ITGAM: variants seen among roughly 807,000 people sequenced by gnomAD.
ITGAM encodes the protein integrin subunit alpha M.
In ITGAM, 79 loss-of-function variants were observed where a neutral mutation model predicts 137.5. That is an observed-to-expected ratio of 0.57 (90% CI 0.48 to 0.69). ITGAM has a LOEUF of 0.69. Among genes scored for constraint, ITGAM ranks in the 30% least tolerant of loss-of-function variants. The pLI is 0.00. For missense variants in ITGAM, 1,343 were observed against 1,483.5 expected (o/e 0.91, Z 1.56); for synonymous variants, 583 against 592.3 (o/e 0.98, Z 0.23).
At chr16:31,306,315 A>T (rs2080264210) in intron 14 of ITGAM, among the ~76,000 whole-genome samples, 1 of 152,170 alleles carries the variant, frequency 6.6e-6, no homozygotes, top group African/African-American at 2.4e-5. Context: ...AATAACGATG[A>T]TAATTTAAAA....
chr16:31,328,564 C>G (rs1187468849), intron 23 of ITGAM, among the ~76,000 whole-genome samples: 1 of 119,330 alleles, frequency 8.4e-6, no homozygotes, highest in Middle Eastern at 9.1e-3. Context: ...TGTGAGGATC[C>G]TTGTGCATGG....
chr16:31,331,854 T>TGC lies in ITGAM; in HGVS notation c.*147_*148insGC. The TGC allele has an allele frequency of 1.6e-6, 1 of 619,010 alleles. No homozygotes were observed. The highest frequency in any genetic ancestry group is 2.1e-5 in the African/African-American group (1 of 48,726). 38.3% of individuals were successfully genotyped at this position (619,010 alleles called of 1,614,324 possible). ...TTCCATTTGTGTGTGTGCAAGTGTG[T>TGC]ATGTGCGTGTGTGCAAGTGTCTGTG... On this transcript the variant is annotated 3_prime_UTR_variant, in exon 30 of 30. Coordinates refer to ENST00000544665, the MANE Select transcript of ITGAM (RefSeq NM_000632.4).
Position 31,331,692 on chromosome 16 carries a change from G to A in ITGAM, c.3444G>A (p.Gly1148=). The part of the protein sequence containing the change: ...KDMMSEGGPP[G]AEPQ Reference sequence around the variant, plus strand: ...TGATGAGTGAAGGGGGTCCCCCGGGGGCCGAACCCCAGTAGCGGCTCCTTC... The same window carrying A: ...TGATGAGTGAAGGGGGTCCCCCGGGAGCCGAACCCCAGTAGCGGCTCCTTC... Residue 1148 remains glycine (G), a synonymous_variant, in exon 30 of 30, where the codon GGG becomes GGA. Transcript: ENST00000544665. 1 of 1,607,480 alleles carries A rather than the reference G, an allele frequency of 6.2e-7. No homozygotes were observed. Among genetic ancestry groups the A allele is most frequent in the Admixed American group, 1.7e-5 (1 of 59,140 alleles).
Position 31,331,585 on chromosome 16 carries a change from C to A in ITGAM, c.3388-51C>A, listed in dbSNP as rs1316493191. ...CGCCCCCTCCCCCTGGTCTGCGGAG[C>A]CGCACGCTCCCTGGCTGCTGTCGCT... On this transcript the variant is annotated intron_variant, in intron 29 of 29. Transcript: ENST00000544665. 6.8e-6 allele frequency: 9 copies of A among 1,317,824 alleles called. No individual in the cohort carries two copies. The East Asian group carries it at 2.0e-4, about 30-fold the overall frequency. 81.6% of individuals were successfully genotyped at this position (1,317,824 alleles called of 1,614,324 possible). A position where few individuals can be genotyped will look rare whatever the true frequency, so the allele number is the denominator to read the frequency against.
intron 14 of ITGAM, among the ~76,000 whole-genome samples, chr16:31,316,022 G>T (rs1414218103): frequency 2.4e-5 from 1 of 41,410 alleles, no homozygotes; most frequent in African/African-American, 1.2e-4. Flanking sequence ...GTGAAACCCC[G>T]TCTCTACTAA....
chr16:31,326,561 C>T (rs928216487), intron 21 of ITGAM, among the ~76,000 whole-genome samples: 6 of 152,044 alleles, frequency 3.9e-5, no homozygotes, highest in South Asian at 2.1e-4. Flanking sequence ...GGGTTACATG[C>T]GCCCGCCACC....
chr16:31,325,273 C>A lies in ITGAM; in HGVS notation c.2374C>A (p.Leu792Ile), dbSNP rs1158924109. ...TTCTTCTTCCCACAGCCTGGACTGC[C>A]TCGTGGTGGGTGGGCCCCGGGAGTT... ...ITFSFMSLDCLVVGGPREFNV... is the reference protein window; with the variant it reads ...ITFSFMSLDCIVVGGPREFNV... Residue 792 changes from leucine to isoleucine, a missense_variant, in exon 20 of 30, where the codon CTC (leucine) becomes ATC (isoleucine). Transcript: ENST00000544665. 3.7e-6 allele frequency: 6 copies of A among 1,612,002 alleles called. No homozygotes were observed. Among genetic ancestry groups the A allele is most frequent in the Non-Finnish European group, 5.1e-6 (6 of 1,178,856 alleles).
At chr16:31,261,654 C>G in intron 1 of ITGAM, 38 bp from the exon 2 acceptor site, 1 of 1,402,456 alleles carries the variant, frequency 7.1e-7, no homozygotes, top group Non-Finnish European at 1.0e-6. Context: ...TGGCATGCTA[C>G]TTTCCTCTGC....
intron 6 of ITGAM, 135 bp from the exon 7 acceptor site, chr16:31,271,712 G>T: frequency 9.6e-7 from 1 of 1,043,556 alleles, no homozygotes; most frequent in Non-Finnish European, 1.4e-6. Flanking sequence ...CCGTCCTGGT[G>T]AGGCAGGGGA....
At position 31,329,854 on chromosome 16, in the gene ITGAM, C is replaced by G; in HGVS notation, c.2925C>G (p.Val975=). The G allele has an allele frequency of 6.4e-7, 1 of 1,564,820 alleles. No homozygotes were observed. The highest frequency in any genetic ancestry group is 8.7e-7 in the Non-Finnish European group (1 of 1,154,634). The change falls in exon 25 of 30, where the codon GTC becomes GTG. Residue 975 remains valine (V), a synonymous_variant. Transcript: ENST00000544665. ...LPISLVFLVP[V]RLNQTVIWDR... ...TCAGCCTGGTGTTCTTGGTGCCCGT[C>G]CGGCTGAACCAGACTGTCATATGGG...
intron 24 of ITGAM, among the ~76,000 whole-genome samples, chr16:31,329,572 G>A (rs1272263225): frequency 1.3e-5 from 2 of 152,186 alleles, no homozygotes; most frequent in East Asian, 3.8e-4. Flanking sequence ...GGCTCAGAGA[G>A]GTTTACAGAA....
Position 31,325,367 on chromosome 16 carries a change from C to A in ITGAM, c.2468C>A (p.Pro823Gln). ...AGGACACAGGTCACCTTCTTCTTCC[C>A]GCTTGACCTGTCCTACCGGAAGGTG... is the stretch of plus-strand genomic sequence containing the variant. ...SYRTQVTFFF[P>Q]LDLSYRKVST... Residue 823 changes from proline (P) to glutamine (Q), a missense_variant, in exon 20 of 30, where the codon CCG becomes CAG. Physicochemically the swap from Pro to Gln is moderately conservative, Grantham distance 76 (BLOSUM62 -1). Transcript: ENST00000544665. The A allele has an allele frequency of 6.2e-7, 1 of 1,613,820 alleles. No individual in the cohort carries two copies. The highest frequency in any genetic ancestry group is 8.5e-7 in the Non-Finnish European group (1 of 1,179,778).
chr16:31,295,717 T>G (rs1265890629), intron 12 of ITGAM, among the ~76,000 whole-genome samples: 1 of 151,970 alleles, frequency 6.6e-6, no homozygotes, highest in Non-Finnish European at 1.5e-5. Context: ...CATTTATTTT[T>G]CTTGCCTAAT....
At chr16:31,306,251 C>T (rs558573875) in intron 14 of ITGAM, among the ~76,000 whole-genome samples, 12 of 152,148 alleles carry the variant, frequency 7.9e-5, no homozygotes, top group South Asian at 2.1e-4. Flanking sequence ...ATTTTTTTGA[C>T]GCTTCATAAT....
At chr16:31,312,646 C>T (rs1597026041) in intron 14 of ITGAM, among the ~76,000 whole-genome samples, 1 of 152,082 alleles carries the variant, frequency 6.6e-6, no homozygotes, top group African/African-American at 2.4e-5. Context: ...CCAGGCTGGT[C>T]TCCAACTCCT....
In ITGAM at chr16:31,276,480, T is replaced by C. The variant is rs2079907142; in HGVS notation, c.1010-191T>C. On this transcript the variant is annotated intron_variant, in intron 9 of 29. Transcript: ENST00000544665. ...CTGAGTAGCTGGGATTACAGGCGCA[T>C]ACCACCACGCCCAGCTAATTTTTGT... Among the ~76,000 whole-genome samples the C allele has an allele frequency of 2.6e-5, 4 of 152,032 alleles. No homozygotes were observed. The South Asian group carries it at 8.3e-4, about 32-fold the overall frequency.
At chr16:31,327,918 G>A (rs868856766) in intron 22 of ITGAM, 6 of 545,070 alleles carry the variant, frequency 1.1e-5, no homozygotes, top group Middle Eastern at 9.7e-4. Flanking sequence ...ATTGGGGTGG[G>A]AGCAGGTGTG....
chr16:31,272,722 G>A (rs2079865111), intron 7 of ITGAM, among the ~76,000 whole-genome samples: 1 of 151,002 alleles, frequency 6.6e-6, no homozygotes, highest in Non-Finnish European at 1.5e-5. Context: ...GACCTCAGGT[G>A]ATTCACCTGA....
At chr16:31,265,552 G>A in intron 3 of ITGAM, 54 bp downstream of exon 3, 1 of 1,197,398 alleles carries the variant, frequency 8.4e-7, no homozygotes, top group Non-Finnish European at 1.2e-6. Context: ...AACACATAGG[G>A]ACTTTCCAGG....
Sources: gnomAD v4.1 joint callset for allele counts (sites outside exome capture counted in the v4.1 genomes callset) on GRCh38, gnomAD v4.1.1 for gene constraint, MANE v1.5 for transcripts, NCBI Gene and HGNC (gene_info 2026-07-23, HGNC 2026-07-21) for gene names.